The following MAP3K20 variants were observed in gnomAD, a reference collection of about 807,000 sequenced individuals.
MAP3K20 encodes the protein mitogen-activated protein kinase kinase kinase 20, also known as HCCS-4.
MAP3K20 carries 40 observed loss-of-function variants against 85.7 expected under a neutral mutation model. The observed-to-expected ratio is 0.47, with a 90% CI of 0.36 to 0.61. The LOEUF is 0.61. Ranked by LOEUF, MAP3K20 falls within the 20% of genes least tolerant of loss-of-function variation. MAP3K20 has a pLI of 0.00. For synonymous variants in MAP3K20, 325 were observed against 327.7 expected (o/e 0.99, Z 0.09); for missense variants, 817 against 961.7 (o/e 0.85, Z 1.99).
intron 2 of MAP3K20, among the ~76,000 whole-genome samples, chr2:173,130,738 A>G (rs1688592747): frequency 6.6e-6 from 1 of 152,184 alleles, no homozygotes; most frequent in Admixed American, 6.5e-5. Context: ...TTCTATATGG[A>G]ACAGACTTTG....
At chr2:173,166,422 A>G (rs1048870738) in intron 2 of MAP3K20, 1 of 152,198 alleles carries the variant, frequency 6.6e-6, no homozygotes, top group African/African-American at 2.4e-5. Flanking sequence ...TTGACTCCCT[A>G]GAAAAGCATT....
Position 173,075,918 on chromosome 2 carries a change from CG to C in MAP3K20, c.-118del. ...GCGGAAACGTGGGAGCCGCGCGGGCCGCTGTCGTCCCAACCCCCGCCGCCCT... is the reference window on the plus strand; with the variant it reads ...GCGGAAACGTGGGAGCCGCGCGGGCCCTGTCGTCCCAACCCCCGCCGCCCT... On this transcript the variant is annotated 5_prime_UTR_variant, in exon 1 of 20. Transcript: ENST00000375213. The C allele has an allele frequency of 1.0e-6, 1 of 984,336 alleles. No homozygotes were observed. Among genetic ancestry groups the C allele is most frequent in the South Asian group, 4.7e-5 (1 of 21,270 alleles). 61.0% of individuals were successfully genotyped at this position (984,336 alleles called of 1,614,324 possible).
chr2:173,108,136 T>A (rs1407240710), intron 2 of MAP3K20, among the ~76,000 whole-genome samples: 6 of 129,820 alleles, frequency 4.6e-5, no homozygotes, highest in Non-Finnish European at 7.4e-5. Flanking sequence ...GATTTTTATT[T>A]TTTTTTTTAT....
chr2:173,227,554 G>A (rs1256560727), intron 11 of MAP3K20, among the ~76,000 whole-genome samples: 1 of 152,186 alleles, frequency 6.6e-6, no homozygotes, highest in East Asian at 1.9e-4. Context: ...GCTGGAGTGA[G>A]CGTCCAGCTG....
At chr2:173,253,188 C>A (rs1405081852) in intron 16 of MAP3K20, among the ~76,000 whole-genome samples, 1 of 152,212 alleles carries the variant, frequency 6.6e-6, no homozygotes, top group African/African-American at 2.4e-5. Context: ...TGTTCTCGGT[C>A]CCATTCCCTT....
At chr2:173,210,235 C>T in intron 10 of MAP3K20, 1 of 189,794 alleles carries the variant, frequency 5.3e-6, no homozygotes, top group South Asian at 9.9e-5. Flanking sequence ...TGCCTGTAAT[C>T]CCAGCTACTC....
chr2:173,234,965 G>A (rs1684612463), intron 14 of MAP3K20, among the ~76,000 whole-genome samples: 1 of 152,240 alleles, frequency 6.6e-6, no homozygotes. Context: ...AAGCACTGCA[G>A]TGTAGCAAAA....
intron 2 of MAP3K20, among the ~76,000 whole-genome samples, chr2:173,113,209 T>C (rs1688022545): frequency 6.6e-6 from 1 of 152,176 alleles, no homozygotes; most frequent in Non-Finnish European, 1.5e-5. Context: ...TTGAATGATC[T>C]TTTGTATTTA....
intron 3 of MAP3K20, among the ~76,000 whole-genome samples, chr2:173,178,760 T>C (rs541947312): frequency 6.6e-6 from 1 of 152,312 alleles, no homozygotes; most frequent in East Asian, 1.9e-4. Context: ...CATCAATTCT[T>C]CCCATACTCT....
intron 5 of MAP3K20, among the ~76,000 whole-genome samples, chr2:173,189,665 C>T (rs551778058): frequency 5.7e-4 from 87 of 152,278 alleles, no homozygotes; most frequent in African/African-American, 2.0e-3. Context: ...ATTTCTTTTA[C>T]TGAGTGGCAA....
intron 2 of MAP3K20, among the ~76,000 whole-genome samples, chr2:173,141,429 A>T (rs901635819): frequency 6.6e-6 from 1 of 152,194 alleles, no homozygotes; most frequent in African/African-American, 2.4e-5. Flanking sequence ...AGTCTCTTTA[A>T]ATGTAAATTG....
chr2:173,243,873 G>T (rs181009733), intron 16 of MAP3K20, among the ~76,000 whole-genome samples: 1 of 152,112 alleles, frequency 6.6e-6, no homozygotes, highest in Non-Finnish European at 1.5e-5. Flanking sequence ...TGATCCGCCC[G>T]CCTCGGCCTC....
chr2:173,189,319 A>T lies in MAP3K20; in HGVS notation c.416-1576A>T, dbSNP rs184965951. On this transcript the variant is annotated intron_variant, in intron 5 of 19. Coordinates refer to ENST00000375213, the MANE Select transcript of MAP3K20 (RefSeq NM_016653.3). ...TGAGGCTATTTTCAAATATTAGATCATACAAAGATCATTTTCCCTCCTTGG... is the reference window on the plus strand; with the variant it reads ...TGAGGCTATTTTCAAATATTAGATCTTACAAAGATCATTTTCCCTCCTTGG... Among the ~76,000 whole-genome samples, 57 of 152,342 alleles carry T rather than the reference A, an allele frequency of 3.7e-4. 1 individual carries two copies. The East Asian group carries it at 3.9e-3, about 10-fold the overall frequency.
chr2:173,100,957 T>C (rs1687621543), intron 2 of MAP3K20, among the ~76,000 whole-genome samples: 1 of 152,178 alleles, frequency 6.6e-6, no homozygotes, highest in South Asian at 2.1e-4. Context: ...GCTTGTAATC[T>C]AAGACACTCC....
intron 2 of MAP3K20, among the ~76,000 whole-genome samples, chr2:173,128,083 C>T (rs1472408496): frequency 3.3e-5 from 5 of 152,130 alleles, no homozygotes; most frequent in Admixed American, 1.3e-4. Flanking sequence ...CTTTCCACAC[C>T]GAGTACAATT....
At position 173,093,638 on chromosome 2, in the gene MAP3K20, T is replaced by C. The variant is rs116832787; in HGVS notation, c.159+2448T>C. 5.6e-3 allele frequency among the ~76,000 whole-genome samples: 852 copies of C among 152,272 alleles called. 4 individuals carry two copies. The highest frequency in any genetic ancestry group is 8.2e-3 in the Non-Finnish European group (556 of 68,022). ...TCTTTAAAACTTTATTTAAAAAAAT[T>C]TTTATATACCCAAAGGACTATAAAT... On this transcript the variant is annotated intron_variant, in intron 2 of 19. Coordinates refer to ENST00000375213, the MANE Select transcript of MAP3K20 (RefSeq NM_016653.3).
intron 11 of MAP3K20, chr2:173,225,104 A>G (rs1273861921): frequency 1.0e-6 from 1 of 974,368 alleles, no homozygotes; most frequent in East Asian, 1.2e-4. Context: ...CTTAATTCAT[A>G]AAGTTATCTT....
rs143105181 is a variant in MAP3K20 at position 173,208,624 on chromosome 2, A to G, written c.745-1105A>G. On this transcript the variant is annotated intron_variant, in intron 9 of 19. Transcript: ENST00000375213. ...CACACAAGTGCCCTTGAAAGAGAAT[A>G]ATAATGGCAGAACTCATTATATATC... is the stretch of plus-strand genomic sequence containing the variant. Among the ~76,000 whole-genome samples the G allele has an allele frequency of 4.7e-3, 709 of 152,192 alleles. 3 individuals carry two copies. Among genetic ancestry groups the G allele is most frequent in the Non-Finnish European group, 7.1e-3 (481 of 68,026 alleles).
chr2:173,196,988 C>A (rs1384119363), intron 7 of MAP3K20, among the ~76,000 whole-genome samples: 1 of 151,856 alleles, frequency 6.6e-6, no homozygotes, highest in African/African-American at 2.4e-5. Flanking sequence ...ATAGTTACCT[C>A]ACCTATAAAA....
Sources: allele counts gnomAD v4.1 joint callset (sites outside exome capture counted in the v4.1 genomes callset), GRCh38; gene constraint gnomAD v4.1.1; transcripts MANE v1.5; gene names NCBI Gene and HGNC (gene_info 2026-07-23, HGNC 2026-07-21).